Variants in POF1B observed in about 807,000 individuals in gnomAD.
The protein encoded by POF1B is protein POF1B.
POF1B carries 53 observed loss-of-function variants against 55.3 expected under a neutral mutation model. The observed-to-expected ratio is 0.96, with a 90% CI of 0.77 to 1.20. POF1B has a LOEUF of 1.20. Among genes scored for constraint, POF1B ranks in the 50% most tolerant of loss-of-function variants. The pLI, the probability that POF1B is intolerant of heterozygous loss-of-function variation, is 0.00. For synonymous variants in POF1B, 188 were observed against 148.3 expected (o/e 1.27, Z -1.95); for missense variants, 478 against 420.5 (o/e 1.14, Z -1.20).
intron 3 of POF1B, among the ~76,000 whole-genome samples, chrX:85,367,311 A>G (rs1933741673): frequency 9.0e-6 from 1 of 111,605 alleles, no homozygotes; most frequent in Non-Finnish European, 1.9e-5. Context: ...ACCTATAAGA[A>G]GAGTTAGTTA....
chrX:85,309,359 A>C (rs1450263965), intron 9 of POF1B, among the ~76,000 whole-genome samples: 2 of 106,285 alleles, frequency 1.9e-5, no homozygotes, highest in African/African-American at 6.8e-5. Context: ...TTGCTTCACA[A>C]AAAAAAAAAA....
Position 85,367,741 on chromosome X carries a change from A to G in POF1B, c.308T>C (p.Ile103Thr), listed in dbSNP as rs1933752040. The change falls in exon 3 of 17, where the codon ATA becomes ACA. Residue 103 changes from isoleucine to threonine, a missense_variant. Ile to Thr is a moderately conservative substitution (Grantham distance 89, BLOSUM62 -1). Transcript: ENST00000262753. The stretch of plus-strand genomic sequence containing the variant: ...TAGAGTACTTGGGGCACATGTAGAT[A>G]TTTTTAAAGTTGGAGAATGGAGTTC... The part of the protein sequence containing the change: ...SQELHSPTLK[I>T]STCAPSTLHI... 1 of 1,158,028 alleles carries G rather than the reference A, an allele frequency of 8.6e-7. No homozygotes were observed. The highest frequency in any genetic ancestry group is 1.2e-6 in the Non-Finnish European group (1 of 866,217).
At chrX:85,291,735 T>C (rs1159238468) in intron 15 of POF1B, among the ~76,000 whole-genome samples, 1 of 110,746 alleles carries the variant, frequency 9.0e-6, no homozygotes, top group Non-Finnish European at 1.9e-5. Context: ...CTTTTGTTGG[T>C]GGATAGGAAT....
intron 15 of POF1B, among the ~76,000 whole-genome samples, chrX:85,303,070 A>G (rs1932493604): frequency 1.8e-5 from 2 of 111,388 alleles, no homozygotes; most frequent in African/African-American, 6.5e-5. Flanking sequence ...ATACCAAGTA[A>G]CCCCATTTAA....
Position 85,279,756 on chromosome X carries a change from T to G in POF1B, c.1765-330A>C, listed in dbSNP as rs773134028. Among the ~76,000 whole-genome samples, 3 of 111,494 alleles carry G rather than the reference T, an allele frequency of 2.7e-5. No homozygotes were observed. The East Asian group carries it at 8.5e-4, about 32-fold the overall frequency. Reference sequence around the variant, plus strand: ...TCTGTGAATGCATTTAAATATATTCTGACCTTGCTATCAGTATCTATAGAT... The same window carrying G: ...TCTGTGAATGCATTTAAATATATTCGGACCTTGCTATCAGTATCTATAGAT... On this transcript the variant is annotated intron_variant, in intron 16 of 16. Transcript: ENST00000262753.
chrX:85,315,005 C>T (rs1034483230), intron 8 of POF1B, among the ~76,000 whole-genome samples: 1 of 111,063 alleles, frequency 9.0e-6, no homozygotes, highest in Non-Finnish European at 1.9e-5. Context: ...ATGTTGCCAC[C>T]ACAACACTGA....
chrX:85,308,267 G>A, intron 9 of POF1B, 51 bp from the exon 10 acceptor site: 1 of 879,604 alleles, frequency 1.1e-6, no homozygotes, highest in South Asian at 3.1e-5. Flanking sequence ...TTGAAAATAG[G>A]CAATATAAGT....
intron 2 of POF1B, among the ~76,000 whole-genome samples, chrX:85,371,913 C>T (rs1183724160): frequency 8.9e-6 from 1 of 112,211 alleles, no homozygotes; most frequent in Non-Finnish European, 1.9e-5. Context: ...ATCATCTAAT[C>T]TCTTCAATTT....
Position 85,303,431 on chromosome X carries a change from C to T in POF1B, c.1624G>A (p.Gly542Arg), listed in dbSNP as rs977481554. 2.5e-6 allele frequency: 3 copies of T among 1,185,882 alleles called. No individual in the cohort carries two copies. Among genetic ancestry groups the T allele is most frequent in the Non-Finnish European group, 3.4e-6 (3 of 877,672 alleles). The change falls in exon 15 of 17, where the codon GGA (glycine) becomes AGA (arginine). Residue 542 changes from glycine to arginine, a missense_variant. Transcript: ENST00000262753. ...TTTTTAGTGGTAATAGTAGTCCTTCCACCAGTGGAGGGTTGGTTATGAGAG... is the reference window on the plus strand; with the variant it reads ...TTTTTAGTGGTAATAGTAGTCCTTCTACCAGTGGAGGGTTGGTTATGAGAG... ...YSSHNQPSTG[G>R]RTTITTKKYR...
rs1349789014 is a variant in POF1B, at chrX:85,303,392, T to A, written c.1649+14A>T. On this transcript the variant is annotated intron_variant, in intron 15 of 16. Transcript: ENST00000262753. Reference sequence around the variant, plus strand: ...ATAATTTTTATATTCAAATTTCATTTAAAAATACATTACTTTTTAGTGGTA... The same window carrying A: ...ATAATTTTTATATTCAAATTTCATTAAAAAATACATTACTTTTTAGTGGTA... 9.4e-7 allele frequency: 1 copy of A among 1,059,064 alleles called. No homozygotes were observed. The highest frequency in any genetic ancestry group is 1.9e-5 in the African/African-American group (1 of 52,617). 87.3% of individuals were successfully genotyped at this position (1,059,064 alleles called of 1,213,427 possible). A position where few individuals can be genotyped will look rare whatever the true frequency, so the allele number is the denominator to read the frequency against.
chrX:85,282,343 A>G (rs1428270193), intron 15 of POF1B, 26 bp from the exon 16 acceptor site: 1 of 1,018,517 alleles, frequency 9.8e-7, no homozygotes, highest in Non-Finnish European at 1.3e-6. Flanking sequence ...GAGTTAGTTT[A>G]CAGGCTGCAT....
intron 7 of POF1B, among the ~76,000 whole-genome samples, chrX:85,322,631 G>A (rs1932851240): frequency 9.0e-6 from 1 of 111,479 alleles, no homozygotes; most frequent in South Asian, 3.7e-4. Flanking sequence ...GCACAGCAAA[G>A]GAAACCACCA....
chrX:85,364,212 C>T (rs1933676501), intron 3 of POF1B, among the ~76,000 whole-genome samples: 1 of 111,130 alleles, frequency 9.0e-6, no homozygotes, highest in Non-Finnish European at 1.9e-5. Context: ...GCTTGCCATT[C>T]TGTGCCTTTT....
intron 15 of POF1B, among the ~76,000 whole-genome samples, chrX:85,294,323 T>G (rs1300652157): frequency 2.7e-5 from 3 of 111,921 alleles, no homozygotes; most frequent in African/African-American, 9.7e-5. Context: ...TTCCAGCTTT[T>G]GTGTTCAGCA....
chrX:85,297,897 C>T (rs142800364), intron 15 of POF1B, among the ~76,000 whole-genome samples: 284 of 112,341 alleles, frequency 2.5e-3, no homozygotes, highest in African/African-American at 8.8e-3. Context: ...TATGAACTCA[C>T]ACCTAACACT....
chrX:85,355,696 A>G (rs1327019996), intron 4 of POF1B, among the ~76,000 whole-genome samples: 1 of 111,606 alleles, frequency 9.0e-6, no homozygotes, highest in Non-Finnish European at 1.9e-5. Context: ...CAGCCAAAAA[A>G]CACATGAAAA....
At chrX:85,310,465 G>A in intron 9 of POF1B, among the ~76,000 whole-genome samples, 1 of 111,882 alleles carries the variant, frequency 8.9e-6, no homozygotes, top group Non-Finnish European at 1.9e-5. Flanking sequence ...CTCTCAAGGA[G>A]TGGGCTAAAA....
At chrX:85,307,129 A>G (rs764956807) in intron 11 of POF1B, 34 bp downstream of exon 11, 14 of 1,026,040 alleles carry the variant, frequency 1.4e-5, no homozygotes, top group Non-Finnish European at 1.8e-5. Context: ...AAAGCTATCA[A>G]TGTAGATTAA....
intron 11 of POF1B, among the ~76,000 whole-genome samples, 181 bp from the exon 12 acceptor site, chrX:85,306,514 T>TCTCA (rs1229535731): frequency 1.8e-5 from 2 of 111,347 alleles, no homozygotes; most frequent in East Asian, 5.7e-4. Context: ...TTGCCTCTAG[T>TCTCA]CTCACTCATC....
Sources: allele counts gnomAD v4.1 joint callset (sites outside exome capture counted in the v4.1 genomes callset), GRCh38; gene constraint gnomAD v4.1.1; transcripts MANE v1.5; gene names NCBI Gene and HGNC (gene_info 2026-07-23, HGNC 2026-07-21).